Variants in RBFOX2 observed in about 807,000 individuals in gnomAD.
RBFOX2 encodes RNA binding protein fox-1 homolog 2.
Under a neutral mutation model 49.1 loss-of-function variants are expected in RBFOX2, and 10 were observed. That is an observed-to-expected ratio of 0.20 (90% CI 0.13 to 0.35). RBFOX2 has a LOEUF of 0.35. Among genes scored for constraint, RBFOX2 ranks in the 10% least tolerant of loss-of-function variants. RBFOX2 has a pLI of 1.00. For missense variants in RBFOX2, 323 were observed against 486.9 expected (o/e 0.66, Z 3.17); for synonymous variants, 183 against 187.4 (o/e 0.98, Z 0.19).
chr22:35,762,873 C>T (rs1320917360), intron 6 of RBFOX2, among the ~76,000 whole-genome samples: 1 of 152,174 alleles, frequency 6.6e-6, no homozygotes, highest in Non-Finnish European at 1.5e-5. Flanking sequence ...AGACATTATT[C>T]AAGTGAAAAC....
intron 1 of RBFOX2, among the ~76,000 whole-genome samples, chr22:35,826,139 G>A (rs1955673048): frequency 6.6e-6 from 1 of 150,660 alleles, no homozygotes; most frequent in African/African-American, 2.4e-5. Context: ...TCAGGAGTTC[G>A]AGACCAGCCT....
At chr22:35,968,715 T>C (rs949741975) in intron 1 of RBFOX2, among the ~76,000 whole-genome samples, 3 of 152,202 alleles carry the variant, frequency 2.0e-5, no homozygotes, top group East Asian at 1.9e-4. Flanking sequence ...ACACCTACTA[T>C]GGTCCCATAG....
Position 35,910,805 on chromosome 22 carries a change from T to C in RBFOX2, c.-34+28042A>G, listed in dbSNP as rs1397473571. Among the ~76,000 whole-genome samples the C allele has an allele frequency of 2.0e-5, 3 of 152,168 alleles. No individual in the cohort carries two copies. The East Asian group carries it at 5.8e-4, about 29-fold the overall frequency. ...GGTAATCTATTTTAATCCATACAAA[T>C]CCATTTGGGCTTTACCATTCTATCC... is the stretch of plus-strand genomic sequence containing the variant. On this transcript the variant is annotated intron_variant, in intron 1 of 13. Transcript: ENST00000359369.
upstream of RBFOX2, chr22:35,840,640 G>GCACA: frequency 9.5e-7 from 1 of 1,048,046 alleles, no homozygotes; most frequent in Non-Finnish European, 1.2e-6. Flanking sequence ...GCGTGTGTGT[G>GCACA]TGTGTGTGTG....
intron 1 of RBFOX2, among the ~76,000 whole-genome samples, chr22:35,917,242 CTGAAAGGGGTCTCAGTA>C (rs1480383906): frequency 6.6e-6 from 1 of 152,138 alleles, no homozygotes; most frequent in Non-Finnish European, 1.5e-5. Context: ...AGAGAAAGTA[CTGAAAGGGGTCTCAGTA>C]TGGAACTACT....
chr22:35,907,789 G>A (rs1395561063), intron 1 of RBFOX2, among the ~76,000 whole-genome samples: 1 of 152,060 alleles, frequency 6.6e-6, no homozygotes, highest in Non-Finnish European at 1.5e-5. Context: ...TGGGATTACA[G>A]GTACCCACCA....
At chr22:35,763,479 T>C (rs1003636929) in intron 6 of RBFOX2, among the ~76,000 whole-genome samples, 9 of 152,168 alleles carry the variant, frequency 5.9e-5, no homozygotes, top group African/African-American at 9.6e-5. Flanking sequence ...CGAGTATCGC[T>C]TGAACCCGGG....
chr22:35,904,510 C>G (rs1005155984), intron 1 of RBFOX2, among the ~76,000 whole-genome samples: 1 of 152,104 alleles, frequency 6.6e-6, no homozygotes, highest in African/African-American at 2.4e-5. Flanking sequence ...CTAATTTCAC[C>G]CTAGTTACCA....
intron 2 of RBFOX2, among the ~76,000 whole-genome samples, chr22:35,788,823 T>G (rs1250517172): frequency 6.6e-6 from 1 of 152,236 alleles, no homozygotes; most frequent in East Asian, 1.9e-4. Context: ...GTGGTCTCTT[T>G]CAAGATGAAA....
chr22:35,854,325 C>G (rs1455839558), intron 1 of RBFOX2, among the ~76,000 whole-genome samples: 1 of 151,988 alleles, frequency 6.6e-6, no homozygotes, highest in African/African-American at 2.4e-5. Flanking sequence ...TGGCTCATGC[C>G]TATAATCCCA....
At chr22:36,025,744 C>T (rs1329698126) in intron 1 of RBFOX2, among the ~76,000 whole-genome samples, 4 of 152,152 alleles carry the variant, frequency 2.6e-5, no homozygotes, top group Non-Finnish European at 5.9e-5. Flanking sequence ...TAACTTAGAA[C>T]TTGGCCGGGT....
chr22:35,742,496 C>T (rs891866631), exon 12 of RBFOX2: 4 of 152,608 alleles, frequency 2.6e-5, no homozygotes, highest in Non-Finnish European at 4.4e-5. Flanking sequence ...AAAACAAACC[C>T]AAAACAAACC....
chr22:35,878,980 T>C (rs974475957), intron 1 of RBFOX2, among the ~76,000 whole-genome samples: 16 of 152,262 alleles, frequency 1.1e-4, no homozygotes, highest in South Asian at 2.1e-4. Context: ...TCCACCCGCC[T>C]TGGCCTCCCA....
intron 1 of RBFOX2, among the ~76,000 whole-genome samples, chr22:35,934,939 A>G (rs1319829964): frequency 6.6e-6 from 1 of 151,986 alleles, no homozygotes; most frequent in East Asian, 1.9e-4. Flanking sequence ...GGGTTTATTT[A>G]TTCATTTATT....
chr22:35,999,674 G>A (rs2058330301), intron 1 of RBFOX2: 2 of 152,082 alleles, frequency 1.3e-5, no homozygotes, highest in South Asian at 4.1e-4. Flanking sequence ...ACAAAACGTT[G>A]ATCAAAGAAA....
At chr22:35,947,822 A>C (rs1182545749) in intron 1 of RBFOX2, among the ~76,000 whole-genome samples, 2 of 152,090 alleles carry the variant, frequency 1.3e-5, no homozygotes, top group Non-Finnish European at 2.9e-5. Flanking sequence ...AGTTAAAAAA[A>C]TTTTAAAGTT....
At chr22:35,928,919 G>C (rs933961689) in intron 1 of RBFOX2, among the ~76,000 whole-genome samples, 8 of 152,134 alleles carry the variant, frequency 5.3e-5, no homozygotes, top group African/African-American at 1.9e-4. Context: ...CAAAAAGTTA[G>C]ATAAAACCAA....
chr22:35,960,223 A>C (rs1359169878), intron 1 of RBFOX2, among the ~76,000 whole-genome samples: 1 of 152,170 alleles, frequency 6.6e-6, no homozygotes, highest in Non-Finnish European at 1.5e-5. Flanking sequence ...AGAACACACC[A>C]AATGTCTAAG....
At chr22:35,973,267 G>C (rs926865655) in intron 1 of RBFOX2, among the ~76,000 whole-genome samples, 4 of 152,104 alleles carry the variant, frequency 2.6e-5, no homozygotes. Flanking sequence ...CCGTTAAACT[G>C]TTCTAATAAA....
Sources: gnomAD v4.1 joint callset for allele counts (sites outside exome capture counted in the v4.1 genomes callset) on GRCh38, gnomAD v4.1.1 for gene constraint, MANE v1.5 for transcripts, NCBI Gene and HGNC (gene_info 2026-07-23, HGNC 2026-07-21) for gene names.